The following SEC16B variants were observed in gnomAD, a reference collection of about 807,000 sequenced individuals.
SEC16B encodes SEC16 homolog B, endoplasmic reticulum export factor.
In SEC16B, 115 loss-of-function variants were observed where a neutral mutation model predicts 141.8. The ratio of observed to expected loss-of-function variants is 0.81; its 90% CI spans 0.70 to 0.95. The LOEUF is 0.95. Among genes scored for constraint, SEC16B ranks in the 40% least tolerant of loss-of-function variants. SEC16B has a pLI of 0.00. For missense variants in SEC16B, 1,291 were observed against 1,312.3 expected (o/e 0.98, Z 0.25); for synonymous variants, 493 against 492.5 (o/e 1.00, Z -0.01).
intron 8 of SEC16B, chr1:177,959,752 G>A (rs544627962): frequency 1.3e-5 from 2 of 154,636 alleles, no homozygotes; most frequent in South Asian, 2.0e-4. Context: ...TGTCCACCAT[G>A]GTATTCCTAG....
intron 1 of SEC16B, among the ~76,000 whole-genome samples, chr1:177,984,015 A>T (rs1485329312): frequency 1.3e-5 from 2 of 152,190 alleles, no homozygotes; most frequent in Admixed American, 6.5e-5. Flanking sequence ...TTTTCAAGCA[A>T]AACCCTGTGA....
Position 177,961,588 on chromosome 1 carries a change from A to C in SEC16B, c.787+2T>G, listed in dbSNP as rs1260345069. Reference sequence around the variant, plus strand: ...AACTCTTCTGATCATTTTAGAACCCACCAGCCTGAACTGGACTCCAAGCTG... The same window carrying C: ...AACTCTTCTGATCATTTTAGAACCCCCCAGCCTGAACTGGACTCCAAGCTG... On this transcript the variant is annotated splice_donor_variant, in intron 6 of 25. Coordinates refer to ENST00000308284, the MANE Select transcript of SEC16B (RefSeq NM_033127.4). LOFTEE classifies it high-confidence loss of function. 2 of 1,606,664 alleles carry C rather than the reference A, an allele frequency of 1.2e-6. No individual in the cohort carries two copies. The highest frequency in any genetic ancestry group is 2.2e-5 in the East Asian group (1 of 44,856).
chr1:177,942,976 G>A (rs1011237331), intron 15 of SEC16B, among the ~76,000 whole-genome samples: 12 of 152,124 alleles, frequency 7.9e-5, no homozygotes, highest in African/African-American at 2.7e-4. Context: ...AGAACAAACC[G>A]CATGCAAGAG....
At position 177,958,975 on chromosome 1, in the gene SEC16B, C is replaced by A; in HGVS notation, c.999G>T (p.Arg333Ser). 1 of 1,612,214 alleles carries A rather than the reference C, an allele frequency of 6.2e-7. No individual in the cohort carries two copies. The highest frequency in any genetic ancestry group is 8.5e-7 in the Non-Finnish European group (1 of 1,179,226). ...TAATATCCACCTTATGTACATCTTC[C>A]CTACATGGAAAAAATTTAGGGAGCA... ...EMRSFSGPLIREDVHKVDIMT... is the reference protein window; with the variant it reads ...EMRSFSGPLISEDVHKVDIMT... The change falls in exon 9 of 26, where the codon AGG becomes AGT. Residue 333 changes from arginine (R) to serine (S), a missense_variant and splice_region_variant. By Grantham distance (110) the Arg-to-Ser change is moderately radical. Around this residue, in one of 3 missense-constraint regions of SEC16B, gnomAD observed 681 missense variants for 675.5 expected, o/e 1.01. Transcript: ENST00000308284.
At chr1:177,961,855 A>G in intron 5 of SEC16B, 121 bp from the exon 6 acceptor site, 1 of 965,720 alleles carries the variant, frequency 1.0e-6, no homozygotes, top group South Asian at 1.5e-5. Context: ...ATAAAAAGAG[A>G]TAATCAAGTT....
intron 5 of SEC16B, among the ~76,000 whole-genome samples, chr1:177,962,500 G>T (rs886786162): frequency 9.9e-5 from 15 of 151,812 alleles, no homozygotes; most frequent in Non-Finnish European, 2.9e-5. Flanking sequence ...ACTTTGGGAG[G>T]CCAAAGCAGG....
In SEC16B at chr1:177,928,917, T is replaced by C. The variant is rs1453743676; in HGVS notation, c.*941A>G. On this transcript the variant is annotated 3_prime_UTR_variant, in exon 26 of 26. Transcript: ENST00000308284. ...TTTGTGAGGAGCAATTTTCAGCAAA[T>C]CTGACAAACAGCAAGAGTCATTCCT... is the stretch of plus-strand genomic sequence containing the variant. 1 of 152,144 alleles carries C rather than the reference T, an allele frequency of 6.6e-6. No individual in the cohort carries two copies. The highest frequency in any genetic ancestry group is 1.5e-5 in the Non-Finnish European group (1 of 68,040). The allele number at this position is 152,144 out of a possible 1,614,324, so 9.4% of individuals were successfully genotyped here.
In SEC16B at chr1:177,937,358, C is replaced by T. The variant is rs770915029; in HGVS notation, c.2359G>A (p.Gly787Arg). The T allele has an allele frequency of 6.2e-7, 1 of 1,613,546 alleles. No individual in the cohort carries two copies. Among genetic ancestry groups the T allele is most frequent in the Non-Finnish European group, 8.5e-7 (1 of 1,179,776 alleles). ...GGTGTCCCTGTCTGCCCTGCACCCC[C>T]TCCTGCTGGGTAGGAGCCCGGCTGG... ...PLQPGSYPAG[G>R]GAGQTGTPRP... The change falls in exon 19 of 26, where the codon GGG (glycine) becomes AGG (arginine). Residue 787 changes from glycine (G) to arginine (R), a missense_variant. Physicochemically the swap from Gly to Arg is moderately radical, Grantham distance 125 (BLOSUM62 -2). This residue lies in a region of SEC16B where 605 missense variants were observed against 614.1 expected (regional missense o/e 0.99). Transcript: ENST00000308284.
intron 12 of SEC16B, 97 bp downstream of exon 12, chr1:177,951,817 T>G (rs376403368): frequency 2.2e-6 from 2 of 902,640 alleles, no homozygotes; most frequent in Non-Finnish European, 3.6e-6. Flanking sequence ...TATCATCACT[T>G]TTGCTCCTGA....
chr1:177,933,830 A>C (rs1043209398), intron 20 of SEC16B, among the ~76,000 whole-genome samples, 194 bp from the exon 21 acceptor site: 1 of 152,198 alleles, frequency 6.6e-6, no homozygotes, highest in Middle Eastern at 3.2e-3. Context: ...ACAGAGCCCA[A>C]GCCCATGTTA....
Position 177,932,777 on chromosome 1 carries a change from C to A in SEC16B, c.2853G>T (p.Gln951His). The part of the protein sequence containing the change: ...EETPRASSPH[Q>H]AGLGLSLTPS... Reference sequence around the variant, plus strand: ...GTGTCAGTGAGAGGCCCAGGCCAGCCTGGTGGGGAGAAGATGCTCTGGGGG... The same window carrying A: ...GTGTCAGTGAGAGGCCCAGGCCAGCATGGTGGGGAGAAGATGCTCTGGGGG... Residue 951 changes from glutamine (Q) to histidine (H), a missense_variant, in exon 23 of 26, where the codon CAG becomes CAT. Gln to His is a conservative substitution (Grantham distance 24). Coordinates refer to ENST00000308284, the MANE Select transcript of SEC16B (RefSeq NM_033127.4). The A allele has an allele frequency of 6.2e-7, 1 of 1,612,898 alleles. No homozygotes were observed. Among genetic ancestry groups the A allele is most frequent in the Non-Finnish European group, 8.5e-7 (1 of 1,179,630 alleles).
intron 19 of SEC16B, among the ~76,000 whole-genome samples, chr1:177,936,764 A>G (rs1351480125): frequency 6.6e-6 from 1 of 152,154 alleles, no homozygotes; most frequent in Non-Finnish European, 1.5e-5. Flanking sequence ...TTGCTTACCC[A>G]TACTCAGCCC....
rs762803359 is a variant in SEC16B, at chr1:177,941,968, C to T, written c.1954G>A (p.Ala652Thr). ...LVSQALHYCE[A>T]IGAAVLSQGE... Reference sequence around the variant, plus strand: ...TGGCTCAAGACAGCTGCACCAATGGCTTCGCAGTAATGCAAAGCCTGGGAC... The same window carrying T: ...TGGCTCAAGACAGCTGCACCAATGGTTTCGCAGTAATGCAAAGCCTGGGAC... The change falls in exon 16 of 26, where the codon GCC (alanine) becomes ACC (threonine). Residue 652 changes from alanine (A) to threonine (T), a missense_variant. Coordinates refer to ENST00000308284, the MANE Select transcript of SEC16B (RefSeq NM_033127.4). 1 of 1,614,030 alleles carries T rather than the reference C, an allele frequency of 6.2e-7. No homozygotes were observed. Among genetic ancestry groups the T allele is most frequent in the Non-Finnish European group, 8.5e-7 (1 of 1,179,896 alleles).
intron 15 of SEC16B, among the ~76,000 whole-genome samples, chr1:177,943,000 G>A (rs903087408): frequency 1.3e-5 from 2 of 152,204 alleles, no homozygotes; most frequent in South Asian, 4.1e-4. Context: ...AGGGCCGATA[G>A]CATGTTACCC....
chr1:177,939,947 A>G (rs761431455), intron 17 of SEC16B, among the ~76,000 whole-genome samples, 170 bp from the exon 18 acceptor site: 2 of 152,216 alleles, frequency 1.3e-5, no homozygotes, highest in African/African-American at 2.4e-5. Flanking sequence ...CAGGGCTCCC[A>G]GCTCTGCTCA....
chr1:177,933,335 T>C, intron 21 of SEC16B, 23 bp from the exon 22 acceptor site: 1 of 1,581,090 alleles, frequency 6.3e-7, no homozygotes, highest in Non-Finnish European at 8.6e-7. Context: ...GAGGACATTT[T>C]ATGACCTGCA....
At chr1:177,958,593 C>A (rs143804711) in intron 9 of SEC16B, among the ~76,000 whole-genome samples, 2 of 152,314 alleles carry the variant, frequency 1.3e-5, no homozygotes, top group East Asian at 3.9e-4. Context: ...CACAATTTCA[C>A]AGGTATATTA....
At chr1:177,933,697 C>T in intron 20 of SEC16B, 61 bp from the exon 21 acceptor site, 1 of 1,551,328 alleles carries the variant, frequency 6.4e-7, no homozygotes, top group South Asian at 1.2e-5. Context: ...AACACATTTG[C>T]ACATACTCCC....
In SEC16B at chr1:177,967,770, T is replaced by C. The variant is rs1314188732; in HGVS notation, c.212A>G (p.His71Arg). ...EPRADHQQQP[H>R]YASRPGDWHQ... ...CCAGTCCCCTGGCCTGGATGCATAATGGGGCTGCTGCTGATGGTCTGCCCT... is the reference window on the plus strand; with the variant it reads ...CCAGTCCCCTGGCCTGGATGCATAACGGGGCTGCTGCTGATGGTCTGCCCT... The change falls in exon 2 of 26, where the codon CAT becomes CGT. Residue 71 changes from histidine (H) to arginine (R), a missense_variant. Physicochemically the swap from His to Arg is conservative, Grantham distance 29 (BLOSUM62 0). Coordinates refer to ENST00000308284, the MANE Select transcript of SEC16B (RefSeq NM_033127.4). The C allele has an allele frequency of 6.2e-7, 1 of 1,613,952 alleles. No individual in the cohort carries two copies. Among genetic ancestry groups the C allele is most frequent in the Non-Finnish European group, 8.5e-7 (1 of 1,179,836 alleles).
Sources: gnomAD v4.1 joint callset for allele counts (sites outside exome capture counted in the v4.1 genomes callset) on GRCh38, gnomAD v4.1.1 for gene constraint, gnomAD v4.1.1 regional missense constraint, MANE v1.5 for transcripts, NCBI Gene and HGNC (gene_info 2026-07-23, HGNC 2026-07-21) for gene names.